TRPM3: variants seen among roughly 807,000 people sequenced by gnomAD.
The protein encoded by TRPM3 is transient receptor potential cation channel subfamily M member 3.
TRPM3 carries 77 observed loss-of-function variants against 181.2 expected under a neutral mutation model. That is an observed-to-expected ratio of 0.42 (90% CI 0.35 to 0.51). The LOEUF (loss-of-function observed/expected upper bound fraction) is 0.51. Ranked by LOEUF, TRPM3 falls within the 20% of genes least tolerant of loss-of-function variation. The pLI, the probability that TRPM3 is intolerant of heterozygous loss-of-function variation, is 0.01. For synonymous variants in TRPM3, 745 were observed against 796.4 expected, an observed-to-expected ratio of 0.94 and a Z score of 1.09; for missense variants, 1,759 against 2,196.7, an observed-to-expected ratio of 0.80 and a Z score of 3.98.
At chr9:70,823,479 G>T (rs942294526) in intron 6 of TRPM3, among the ~76,000 whole-genome samples, 1 of 152,138 alleles carries the variant, frequency 6.6e-6, no homozygotes, top group East Asian at 1.9e-4. Context: ...ACAGCCAGCC[G>T]CTTGCTTCAT....
chr9:70,769,154 A>T lies in TRPM3; in HGVS notation c.1149-7430T>A, dbSNP rs78659436. Among the ~76,000 whole-genome samples, 362 of 152,292 alleles carry T rather than the reference A, an allele frequency of 2.4e-3. 3 individuals carry two copies. The highest frequency in any genetic ancestry group is 8.4e-3 in the African/African-American group (348 of 41,568). On this transcript the variant is annotated intron_variant, in intron 7 of 25. Coordinates refer to ENST00000677713, the MANE Select transcript of TRPM3 (RefSeq NM_001366145.2). Reference sequence around the variant, plus strand: ...ACCCCTGCAATAGCTTTCCATCACAAGCAAGATAACATCTCTACTTGCATA... The same window carrying T: ...ACCCCTGCAATAGCTTTCCATCACATGCAAGATAACATCTCTACTTGCATA...
At chr9:71,238,969 C>T (rs1194252039) in intron 1 of TRPM3, among the ~76,000 whole-genome samples, 3 of 152,138 alleles carry the variant, frequency 2.0e-5, no homozygotes, top group Non-Finnish European at 4.4e-5. Context: ...CACCAAAATA[C>T]ATATCTCAGA....
intron 1 of TRPM3, among the ~76,000 whole-genome samples, chr9:71,023,393 A>G (rs2097861842): frequency 6.6e-6 from 1 of 152,194 alleles, no homozygotes; most frequent in Non-Finnish European, 1.5e-5. Flanking sequence ...GGGAATATAA[A>G]AGTGCATAGT....
chr9:70,868,679 C>A (rs1049009290), intron 1 of TRPM3, among the ~76,000 whole-genome samples: 5 of 151,944 alleles, frequency 3.3e-5, no homozygotes, highest in Admixed American at 6.6e-5. Flanking sequence ...TTCAGCAGGG[C>A]AGCTTAACAG....
At chr9:71,103,161 A>G (rs915959875) in intron 1 of TRPM3, among the ~76,000 whole-genome samples, 3 of 152,212 alleles carry the variant, frequency 2.0e-5, no homozygotes, top group Non-Finnish European at 2.9e-5. Flanking sequence ...CCCATCCTCA[A>G]TAAATTACAT....
intron 9 of TRPM3, among the ~76,000 whole-genome samples, chr9:70,665,443 C>T (rs1029810227): frequency 7.9e-5 from 12 of 152,140 alleles, no homozygotes; most frequent in Non-Finnish European, 1.5e-5. Flanking sequence ...ACCACTGAAA[C>T]TATATGGCCT....
intron 1 of TRPM3, among the ~76,000 whole-genome samples, chr9:71,427,577 G>T (rs1588983918): frequency 6.6e-6 from 1 of 152,278 alleles, no homozygotes; most frequent in South Asian, 2.1e-4. Context: ...TACTATGCAG[G>T]CATAAAAAAG....
intron 3 of TRPM3, among the ~76,000 whole-genome samples, chr9:70,851,638 T>C (rs1221723254): frequency 6.6e-6 from 1 of 152,172 alleles, no homozygotes. Flanking sequence ...GCTGTGTTCA[T>C]TATCACAGAA....
At chr9:71,291,362 A>G (rs960303538) in intron 1 of TRPM3, among the ~76,000 whole-genome samples, 2 of 152,118 alleles carry the variant, frequency 1.3e-5, no homozygotes, top group African/African-American at 4.8e-5. Flanking sequence ...CTCCTTTCTC[A>G]TATTGTACTT....
intron 1 of TRPM3, among the ~76,000 whole-genome samples, chr9:71,055,515 G>C (rs1299941955): frequency 6.6e-6 from 1 of 152,064 alleles, no homozygotes; most frequent in African/African-American, 2.4e-5. Flanking sequence ...CAGAGCTTGT[G>C]AGTGGCAGGA....
chr9:70,782,087 C>T (rs189254875), intron 7 of TRPM3, among the ~76,000 whole-genome samples: 2 of 151,854 alleles, frequency 1.3e-5, no homozygotes, highest in Admixed American at 1.3e-4. Flanking sequence ...AAATAATTTG[C>T]AAACTAAAAA....
chr9:71,102,858 G>A (rs1012913903), intron 1 of TRPM3, among the ~76,000 whole-genome samples: 3 of 152,044 alleles, frequency 2.0e-5, no homozygotes, highest in Non-Finnish European at 4.4e-5. Flanking sequence ...CATTGCTAAC[G>A]TAACACATGG....
chr9:71,142,090 A>T (rs1205100118), intron 1 of TRPM3, among the ~76,000 whole-genome samples: 1 of 152,186 alleles, frequency 6.6e-6, no homozygotes. Flanking sequence ...AAAAACTTTG[A>T]AATGTTGAAT....
At position 70,535,155 on chromosome 9, in the gene TRPM3, C is replaced by T. The variant is rs982243602; in HGVS notation, c.*798G>A. The T allele has an allele frequency of 3.9e-5, 14 of 357,392 alleles. No individual in the cohort carries two copies. Among genetic ancestry groups the T allele is most frequent in the Admixed American group, 2.6e-4 (6 of 23,296 alleles). The allele number at this position is 357,392 out of a possible 1,614,324, so 22.1% of individuals were successfully genotyped here. A position where few individuals can be genotyped will look rare whatever the true frequency, so the allele number is the denominator to read the frequency against. ...ATTTAATTACATTCTCCTGAGCTTG[C>T]TCGACTAGACTTGAACGCCCACTGT... On this transcript the variant is annotated 3_prime_UTR_variant, in exon 26 of 26. Transcript: ENST00000677713.
At chr9:70,988,738 C>G (rs1396972850) in intron 1 of TRPM3, among the ~76,000 whole-genome samples, 1 of 152,100 alleles carries the variant, frequency 6.6e-6, no homozygotes, top group Non-Finnish European at 1.5e-5. Flanking sequence ...GCTTGTTGCA[C>G]AAGAGGATGT....
intron 9 of TRPM3, among the ~76,000 whole-genome samples, chr9:70,647,062 C>T (rs549452014): frequency 6.6e-6 from 1 of 151,920 alleles, no homozygotes; most frequent in Non-Finnish European, 1.5e-5. Flanking sequence ...AATCTACCAA[C>T]AAGAAAATGC....
chr9:71,420,777 AAGAGAGAGAAAG>A (rs2093731423), intron 1 of TRPM3, among the ~76,000 whole-genome samples: 2 of 86,762 alleles, frequency 2.3e-5, no homozygotes, highest in African/African-American at 9.2e-5. Flanking sequence ...AAGAGAGAGA[AAGAGAGAGAAAG>A]AGAGAGAAAG....
chr9:70,628,213 T>G (rs1006459589), intron 12 of TRPM3, among the ~76,000 whole-genome samples: 3 of 152,174 alleles, frequency 2.0e-5, no homozygotes, highest in African/African-American at 7.2e-5. Flanking sequence ...TAAGCCTCAT[T>G]CATAGCCACA....
At chr9:70,904,087 TG>T (rs2096427578) in intron 1 of TRPM3, among the ~76,000 whole-genome samples, 1 of 152,114 alleles carries the variant, frequency 6.6e-6, no homozygotes, top group Admixed American at 6.5e-5. Flanking sequence ...CAAGGCATGG[TG>T]GTGCACACCT....
Sources: gnomAD v4.1 joint callset for allele counts (sites outside exome capture counted in the v4.1 genomes callset) on GRCh38, gnomAD v4.1.1 for gene constraint, MANE v1.5 for transcripts, NCBI Gene and HGNC (gene_info 2026-07-23, HGNC 2026-07-21) for gene names.